Variants in MYOCD observed in about 807,000 individuals in gnomAD.
The protein encoded by MYOCD is myocardin.
MYOCD carries 32 observed loss-of-function variants against 96.1 expected under a neutral mutation model. The observed-to-expected ratio is 0.33, with a 90% confidence interval of 0.25 to 0.45. The LOEUF (loss-of-function observed/expected upper bound fraction) is 0.45, where lower values mean the gene tolerates loss of function less well. Ranked by LOEUF, MYOCD falls within the 20% of genes least tolerant of loss-of-function variation. MYOCD has a pLI of 1.00. For synonymous variants in MYOCD, 469 were observed against 469.0 expected (o/e 1.00, Z 0.00); for missense variants, 1,133 against 1,200.6 (o/e 0.94, Z 0.83).
intron 1 of MYOCD, among the ~76,000 whole-genome samples, chr17:12,669,401 C>T (rs1909564331): frequency 6.6e-6 from 1 of 152,226 alleles, no homozygotes; most frequent in Non-Finnish European, 1.5e-5. Context: ...GAGGCAAAGT[C>T]TGGCAATTGC....
chr17:12,740,926 C>T (rs182833380), intron 7 of MYOCD, among the ~76,000 whole-genome samples: 90 of 152,036 alleles, frequency 5.9e-4, no homozygotes, highest in South Asian at 1.2e-3. Context: ...TTAGTAAAGA[C>T]GGGGTTTCTC....
chr17:12,686,255 C>T (rs2030113150), intron 1 of MYOCD, among the ~76,000 whole-genome samples: 1 of 152,218 alleles, frequency 6.6e-6, no homozygotes, highest in Admixed American at 6.5e-5. Flanking sequence ...GAGCCTTTGA[C>T]ATCATCAGCT....
chr17:12,688,828 G>T (rs1208069476), intron 1 of MYOCD, among the ~76,000 whole-genome samples: 3 of 151,782 alleles, frequency 2.0e-5, no homozygotes, highest in Non-Finnish European at 4.4e-5. Context: ...GTGGGCAAAA[G>T]TATTGCCTTA....
At position 12,763,554 on chromosome 17, in the gene MYOCD, C is replaced by T. The variant is rs2033249946; in HGVS notation, c.2871C>T (p.Thr957=). Residue 957 remains threonine (T), a synonymous_variant, in exon 14 of 14, where the codon ACC becomes ACT. Coordinates refer to ENST00000425538, the MANE Select transcript of MYOCD (RefSeq NM_001146312.3). ...CACCAGGCTTTAGCGCCCTCACCAC[C>T]AGCAGCCCCAGCATCTTCAACATCG... The part of the protein sequence containing the change: ...NSTPGFSALT[T]SSPSIFNIDF... 3.1e-6 allele frequency: 5 copies of T among 1,614,068 alleles called. No individual in the cohort carries two copies. The African/African-American group carries it at 6.7e-5, about 22-fold the overall frequency.
intron 1 of MYOCD, among the ~76,000 whole-genome samples, chr17:12,680,385 C>T (rs867527652): frequency 6.6e-6 from 1 of 152,196 alleles, no homozygotes; most frequent in East Asian, 1.9e-4. Flanking sequence ...GGTATAGAAA[C>T]GGGAATGACC....
At chr17:12,698,246 C>A (rs2030875810) in intron 1 of MYOCD, among the ~76,000 whole-genome samples, 1 of 152,180 alleles carries the variant, frequency 6.6e-6, no homozygotes, top group Non-Finnish European at 1.5e-5. Flanking sequence ...ATGGTTTAGT[C>A]TAGATCTGAA....
At chr17:12,761,482 C>A (rs965341238) in intron 13 of MYOCD, 1 of 152,130 alleles carries the variant, frequency 6.6e-6, no homozygotes, top group Non-Finnish European at 1.5e-5. Flanking sequence ...AGTGAACAGA[C>A]CTTTCCTCCA....
At chr17:12,691,079 T>G (rs2030423382) in intron 1 of MYOCD, among the ~76,000 whole-genome samples, 4 of 152,198 alleles carry the variant, frequency 2.6e-5, no homozygotes, top group African/African-American at 9.7e-5. Context: ...TCTTTGTTGA[T>G]AGCGAATGGA....
chr17:12,687,767 G>A (rs2030207605), intron 1 of MYOCD, among the ~76,000 whole-genome samples: 1 of 152,170 alleles, frequency 6.6e-6, no homozygotes, highest in African/African-American at 2.4e-5. Flanking sequence ...AGCAAGGCTA[G>A]GGGGAATTTA....
chr17:12,742,293 G>A (rs892313473), intron 7 of MYOCD, among the ~76,000 whole-genome samples: 20 of 152,192 alleles, frequency 1.3e-4, no homozygotes, highest in African/African-American at 4.8e-4. Context: ...CCAGGAAGAA[G>A]TCTCTTTGGA....
chr17:12,754,289 A>T (rs559478204), intron 10 of MYOCD, among the ~76,000 whole-genome samples: 1 of 152,230 alleles, frequency 6.6e-6, no homozygotes, highest in African/African-American at 2.4e-5. Flanking sequence ...TTTTTAGTAG[A>T]GACAGAGTTT....
At chr17:12,703,024 A>G (rs2031143988) in intron 1 of MYOCD, among the ~76,000 whole-genome samples, 1 of 151,902 alleles carries the variant, frequency 6.6e-6, no homozygotes, top group Non-Finnish European at 1.5e-5. Context: ...GAGCCTGAAG[A>G]ATTTACTTAA....
At chr17:12,714,466 C>T (rs980686815) in intron 2 of MYOCD, among the ~76,000 whole-genome samples, 11 of 152,034 alleles carry the variant, frequency 7.2e-5, no homozygotes, top group East Asian at 3.9e-4. Flanking sequence ...CATTGGAACT[C>T]GGGATCATGT....
chr17:12,734,761 G>A (rs950714562), intron 5 of MYOCD, among the ~76,000 whole-genome samples: 1 of 151,928 alleles, frequency 6.6e-6, no homozygotes, highest in Non-Finnish European at 1.5e-5. Flanking sequence ...CACCTGCCTC[G>A]GCCTCCCAAA....
chr17:12,670,468 T>C (rs991808547), intron 1 of MYOCD, among the ~76,000 whole-genome samples: 11 of 152,220 alleles, frequency 7.2e-5, no homozygotes, highest in African/African-American at 2.2e-4. Flanking sequence ...GGAATTGAGC[T>C]TAGCCTAAGA....
At position 12,715,649 on chromosome 17, in the gene MYOCD, G is replaced by A. The variant is rs2031617543; in HGVS notation, c.177+75G>A. Reference sequence around the variant, plus strand: ...CTCTGAATGCTAATCCTTGGTGGATGCGTGTAGAATTCCTACAACAAACAC... The same window carrying A: ...CTCTGAATGCTAATCCTTGGTGGATACGTGTAGAATTCCTACAACAAACAC... On this transcript the variant is annotated intron_variant, in intron 3 of 13. Transcript: ENST00000425538. 13 of 1,188,630 alleles carry A rather than the reference G, an allele frequency of 1.1e-5. No individual in the cohort carries two copies. The East Asian group carries it at 2.9e-4, about 26-fold the overall frequency. The allele number at this position is 1,188,630 out of a possible 1,614,324, so 73.6% of individuals were successfully genotyped here. A position where few individuals can be genotyped will look rare whatever the true frequency, so the allele number is the denominator to read the frequency against.
chr17:12,693,834 C>T (rs2030604725), intron 1 of MYOCD, among the ~76,000 whole-genome samples: 1 of 151,962 alleles, frequency 6.6e-6, no homozygotes, highest in African/African-American at 2.4e-5. Context: ...AAACATATGA[C>T]TCCCAATTCT....
intron 9 of MYOCD, among the ~76,000 whole-genome samples, chr17:12,749,333 G>C (rs1239567257): frequency 6.6e-6 from 1 of 151,942 alleles, no homozygotes; most frequent in East Asian, 1.9e-4. Context: ...TTCAAAACCA[G>C]CATGGCCAAC....
intron 4 of MYOCD, among the ~76,000 whole-genome samples, chr17:12,719,043 T>C (rs765135012): frequency 5.4e-4 from 82 of 151,410 alleles, no homozygotes; most frequent in Non-Finnish European, 2.1e-4. Context: ...GGTGTGGTGG[T>C]GGGCGCCTGT....
Sources: allele counts gnomAD v4.1 joint callset (sites outside exome capture counted in the v4.1 genomes callset), GRCh38; gene constraint gnomAD v4.1.1; transcripts MANE v1.5; gene names NCBI Gene and HGNC (gene_info 2026-07-23, HGNC 2026-07-21).